Variants in CA10 observed in about 807,000 individuals in gnomAD.
CA10 encodes carbonic anhydrase 10 (inactive).
In CA10, 14 loss-of-function variants were observed where a neutral mutation model predicts 44.2. That is an observed-to-expected ratio of 0.32 (90% CI 0.21 to 0.50). The LOEUF (loss-of-function observed/expected upper bound fraction) is 0.50, where lower values mean the gene tolerates loss of function less well. CA10 is among the 20% of genes least tolerant of loss of function. The probability of loss-of-function intolerance (pLI) is 0.99; values close to 1 mark genes in which losing one functional copy is unlikely to be tolerated. For synonymous variants in CA10, 159 were observed against 141.6 expected, an observed-to-expected ratio of 1.12 and a Z score of -0.87; for missense variants, 350 against 409.7, an observed-to-expected ratio of 0.85 and a Z score of 1.26.
At chr17:51,816,853 T>C (rs1907580353) in intron 3 of CA10, among the ~76,000 whole-genome samples, 2 of 152,134 alleles carry the variant, frequency 1.3e-5, no homozygotes, top group Non-Finnish European at 2.9e-5. Context: ...GGCACAAAAA[T>C]ATTGAGTTGC....
At chr17:52,032,732 A>C (rs1013966047) in intron 2 of CA10, among the ~76,000 whole-genome samples, 1 of 152,158 alleles carries the variant, frequency 6.6e-6, no homozygotes, top group Non-Finnish European at 1.5e-5. Context: ...CAAATATTGG[A>C]AGTCAGGCAC....
intron 4 of CA10, among the ~76,000 whole-genome samples, chr17:51,746,142 G>A (rs984026669): frequency 6.6e-6 from 1 of 152,094 alleles, no homozygotes; most frequent in Admixed American, 6.5e-5. Context: ...CAACCCTATT[G>A]TTTATAGAGT....
intron 2 of CA10, among the ~76,000 whole-genome samples, chr17:51,976,696 G>C (rs1400128298): frequency 1.3e-5 from 2 of 149,952 alleles, no homozygotes; most frequent in Non-Finnish European, 3.0e-5. Context: ...ATCTTAAGAA[G>C]ATAAAATAAA....
chr17:51,935,912 A>C (rs1228094160), intron 2 of CA10, among the ~76,000 whole-genome samples: 2 of 152,168 alleles, frequency 1.3e-5, no homozygotes, highest in Non-Finnish European at 2.9e-5. Flanking sequence ...AGGAGAGTTA[A>C]AACTGGCCTT....
intron 4 of CA10, among the ~76,000 whole-genome samples, chr17:51,679,195 ATT>A (rs1163071432): frequency 6.6e-6 from 1 of 151,536 alleles, no homozygotes; most frequent in Non-Finnish European, 1.5e-5. Context: ...GCAGATTCTG[ATT>A]CATTATGTCT....
intron 4 of CA10, among the ~76,000 whole-genome samples, chr17:51,702,921 C>T (rs1436977724): frequency 6.6e-6 from 1 of 152,222 alleles, no homozygotes; most frequent in Non-Finnish European, 1.5e-5. Context: ...TGCATTATCT[C>T]TGGTGGCTCC....
intron 3 of CA10, among the ~76,000 whole-genome samples, chr17:51,907,562 A>G (rs202129): frequency 0.68 from 103,382 of 151,870 alleles, 35,458 homozygotes; most frequent in Middle Eastern, 0.71. Flanking sequence ...TATTCCCCCA[A>G]CTGCTGGGAG....
At chr17:51,871,790 G>A (rs959886072) in intron 3 of CA10, among the ~76,000 whole-genome samples, 5 of 151,770 alleles carry the variant, frequency 3.3e-5, no homozygotes, top group African/African-American at 9.7e-5. Context: ...ATGTGTATGC[G>A]ACAGCCCTTT....
In CA10 at chr17:51,865,146, G is replaced by A. The variant is rs188367764; in HGVS notation, c.279+65844C>T. Among the ~76,000 whole-genome samples the A allele has an allele frequency of 1.1e-3, 162 of 152,196 alleles. 1 individual carries two copies. The highest frequency in any genetic ancestry group is 3.1e-3 in the Admixed American group (47 of 15,284). Reference sequence around the variant, plus strand: ...AAGTATGACTGGTATACATCAAATTGCATTTATTCTACTGCACCCTGACAC... The same window carrying A: ...AAGTATGACTGGTATACATCAAATTACATTTATTCTACTGCACCCTGACAC... On this transcript the variant is annotated intron_variant, in intron 3 of 8. Coordinates refer to ENST00000451037, the MANE Select transcript of CA10 (RefSeq NM_020178.5).
At chr17:52,055,012 G>T (rs1034426449) in intron 2 of CA10, among the ~76,000 whole-genome samples, 3 of 152,034 alleles carry the variant, frequency 2.0e-5, no homozygotes, top group African/African-American at 7.2e-5. Flanking sequence ...AACAGGAAAA[G>T]AAATCTCTGC....
intron 6 of CA10, among the ~76,000 whole-genome samples, chr17:51,636,299 T>C (rs1912824328): frequency 6.6e-6 from 1 of 152,212 alleles, no homozygotes; most frequent in Non-Finnish European, 1.5e-5. Context: ...TCATTGTCCA[T>C]GCTTTGGGAC....
chr17:51,868,587 C>G (rs988016467), intron 3 of CA10, among the ~76,000 whole-genome samples: 5 of 152,214 alleles, frequency 3.3e-5, no homozygotes, highest in Non-Finnish European at 7.3e-5. Flanking sequence ...TTTTAATAAA[C>G]TCCACAGAGT....
chr17:52,026,393 T>A (rs1412860397), intron 2 of CA10, among the ~76,000 whole-genome samples: 4 of 152,174 alleles, frequency 2.6e-5, no homozygotes, highest in Non-Finnish European at 5.9e-5. Context: ...GCATCTACTA[T>A]GTCCCTTTTT....
intron 2 of CA10, among the ~76,000 whole-genome samples, chr17:52,067,501 T>C (rs1987569390): frequency 6.6e-6 from 1 of 152,102 alleles, no homozygotes; most frequent in African/African-American, 2.4e-5. Context: ...GGAAGGGAAA[T>C]GCGGGGTGCG....
intron 3 of CA10, among the ~76,000 whole-genome samples, chr17:51,895,465 C>CA (rs56239275): frequency 0.68 from 102,537 of 151,420 alleles, 36,457 homozygotes; most frequent in African/African-American, 0.88. Context: ...AAAGCAACAA[C>CA]AAAATCTTCA....
chr17:51,969,461 G>A (rs1567904268), intron 2 of CA10, among the ~76,000 whole-genome samples: 1 of 151,968 alleles, frequency 6.6e-6, no homozygotes, highest in Non-Finnish European at 1.5e-5. Context: ...CACACTGATA[G>A]TTTTCTTATT....
intron 4 of CA10, among the ~76,000 whole-genome samples, chr17:51,671,052 T>C (rs1422598143): frequency 6.6e-6 from 1 of 152,172 alleles, no homozygotes; most frequent in African/African-American, 2.4e-5. Flanking sequence ...TAGTTAGTGT[T>C]TTACTTCATG....
chr17:52,032,932 T>C (rs1478923337), intron 2 of CA10, among the ~76,000 whole-genome samples: 1 of 152,192 alleles, frequency 6.6e-6, no homozygotes, highest in Non-Finnish European at 1.5e-5. Context: ...AACATTATCC[T>C]AATTAGGATC....
At chr17:51,702,889 G>A (rs1197468251) in intron 4 of CA10, among the ~76,000 whole-genome samples, 1 of 152,124 alleles carries the variant, frequency 6.6e-6, no homozygotes, top group African/African-American at 2.4e-5. Context: ...TAGCAGCCAG[G>A]TTCTTTCTAT....
Sources: allele counts gnomAD v4.1 joint callset (sites outside exome capture counted in the v4.1 genomes callset), GRCh38; gene constraint gnomAD v4.1.1; transcripts MANE v1.5; gene names NCBI Gene and HGNC (gene_info 2026-07-23, HGNC 2026-07-21).